Variants in GRK1 observed in about 807,000 individuals in gnomAD.
GRK1 encodes the protein G protein-coupled receptor kinase 1.
In GRK1, 28 loss-of-function variants were observed where a neutral mutation model predicts 41.7. That is an observed-to-expected ratio of 0.67 (90% CI 0.50 to 0.92). The LOEUF is 0.92. GRK1 is among the 40% of genes least tolerant of loss of function. The pLI, the probability that GRK1 is intolerant of heterozygous loss-of-function variation, is 0.00. For missense variants in GRK1, 703 were observed against 671.2 expected (o/e 1.05, Z -0.52); for synonymous variants, 327 against 286.7 (o/e 1.14, Z -1.42).
chr13:113,672,487 TGTG>T (rs1438041511), intron 3 of GRK1, among the ~76,000 whole-genome samples: 7 of 147,728 alleles, frequency 4.7e-5, no homozygotes, highest in Admixed American at 6.8e-5. Flanking sequence ...ATCTGTATGG[TGTG>T]GTACATGGTA....
At chr13:113,730,861 AATG>A (rs1229395147) in intron 4 of GRK1, among the ~76,000 whole-genome samples, 2 of 152,192 alleles carry the variant, frequency 1.3e-5, no homozygotes, top group Non-Finnish European at 2.9e-5. Context: ...TTCAAAAGAG[AATG>A]ATGTTGGATT....
Position 113,727,981 on chromosome 13 carries a change from GGAGTACCCATGGCGAT to G in GRK1, c.1070-3218_1070-3203del, listed in dbSNP as rs1335346347. On this transcript the variant is annotated intron_variant, in intron 4 of 6. Transcript: ENST00000335678. ...TGGTGATGAGGACCCATGGCGATGAGGAGTACCCATGGCGATGAGTACCCATGGCGATGAGGAGTAC... is the reference window on the plus strand; with the variant it reads ...TGGTGATGAGGACCCATGGCGATGAGGAGTACCCATGGCGATGAGGAGTAC... 1.7e-3 allele frequency among the ~76,000 whole-genome samples: 155 copies of G among 89,538 alleles called. 12 individuals are homozygous for G. Among genetic ancestry groups the G allele is most frequent in the African/African-American group, 2.3e-3 (39 of 16,972 alleles). The allele number at this position is 89,538 out of a possible 152,430, so 58.7% of individuals were successfully genotyped here.
chr13:113,732,928 G>A lies in GRK1; in HGVS notation c.1239G>A (p.Val413=), dbSNP rs1169443503. 6.5e-7 allele frequency: 1 copy of A among 1,536,810 alleles called. No individual in the cohort carries two copies. The highest frequency in any genetic ancestry group is 8.7e-7 in the Non-Finnish European group (1 of 1,146,910). ...ELKHRIISEP[V]KYPDKFSQAS... is the part of the protein sequence containing the mutation. ...AGCACCGGATCATCTCAGAGCCCGTGAAGTACCCTGATAAGTTCAGCCAGG... is the reference window on the plus strand; with the variant it reads ...AGCACCGGATCATCTCAGAGCCCGTAAAGTACCCTGATAAGTTCAGCCAGG... Residue 413 remains valine (V), a synonymous_variant, in exon 6 of 7, where the codon GTG becomes GTA. Coordinates refer to ENST00000335678, the MANE Select transcript of GRK1 (RefSeq NM_002929.3).
chr13:113,727,686 C>T (rs1264881682), intron 4 of GRK1, among the ~76,000 whole-genome samples: 39 of 122,676 alleles, frequency 3.2e-4, no homozygotes, highest in African/African-American at 5.7e-4. Context: ...GTACCCATGG[C>T]GATGAGGACC....
At chr13:113,652,915 G>A in the GRK1 span, 1 of 1,614,220 alleles carries the variant, frequency 6.2e-7, no homozygotes, top group South Asian at 1.1e-5. Context: ...CTTCTTCAAA[G>A]CCGAAGTTGG....
chr13:113,658,432 C>A, the GRK1 span, among the ~76,000 whole-genome samples: 1 of 152,234 alleles, frequency 6.6e-6, no homozygotes, highest in Non-Finnish European at 1.5e-5. Flanking sequence ...GCTCTGATTG[C>A]GGTGAGGGCA....
chr13:113,730,696 A>G (rs1029183972), intron 4 of GRK1, among the ~76,000 whole-genome samples: 1 of 152,242 alleles, frequency 6.6e-6, no homozygotes, highest in African/African-American at 2.4e-5. Context: ...ACACAGCCAT[A>G]GCACTCCTGG....
chr13:113,652,063 G>C, the GRK1 span, among the ~76,000 whole-genome samples: 2 of 152,254 alleles, frequency 1.3e-5, no homozygotes, highest in South Asian at 2.1e-4. Context: ...GACAGAGCAC[G>C]GGCCGGCCTG....
intron 4 of GRK1, among the ~76,000 whole-genome samples, chr13:113,727,920 GCGA>G (rs2049901815): frequency 1.1e-5 from 1 of 91,168 alleles, no homozygotes; most frequent in African/African-American, 4.4e-5. Flanking sequence ...AGTACCCATG[GCGA>G]TGAGGAGTAC....
chr13:113,650,668 G>A, the GRK1 span, among the ~76,000 whole-genome samples: 4 of 152,188 alleles, frequency 2.6e-5, no homozygotes, highest in African/African-American at 9.7e-5. This position sits in a 1 kb window ranked among gnomAD's most constrained non-coding sequence, Gnocchi z 5.0. Flanking sequence ...TTTCTAATCA[G>A]TGCTGAGATC....
chr13:113,735,192 G>T lies in GRK1; in HGVS notation c.1521G>T (p.Gln507His). 2.0e-6 allele frequency: 3 copies of T among 1,537,216 alleles called. No homozygotes were observed. The highest frequency in any genetic ancestry group is 1.7e-6 in the Non-Finnish European group (2 of 1,146,908). The stretch of plus-strand genomic sequence containing the variant: ...ACAAAACAGACACAGAATTCTTTCA[G>T]GAATTTGCCACTGGCAACTGCCCCA... ...AFDKTDTEFFQEFATGNCPIP... is the reference protein window; with the variant it reads ...AFDKTDTEFFHEFATGNCPIP... The change falls in exon 7 of 7, where the codon CAG (glutamine) becomes CAT (histidine). Residue 507 changes from glutamine to histidine, a missense_variant. Coordinates refer to ENST00000335678, the MANE Select transcript of GRK1 (RefSeq NM_002929.3).
chr13:113,658,012 C>T, the GRK1 span: 8 of 1,570,922 alleles, frequency 5.1e-6, no homozygotes, highest in Middle Eastern at 1.8e-4. Context: ...TGCACCCAGC[C>T]GGCCCGCCCC....
At chr13:113,734,946 T>G in intron 6 of GRK1, 122 bp from the exon 7 acceptor site, 1 of 1,014,370 alleles carries the variant, frequency 9.9e-7, no homozygotes, top group East Asian at 2.7e-5. Flanking sequence ...GACACTTCCC[T>G]AAGGAAGAGC....
chr13:113,651,735 G>A, the GRK1 span: 2 of 1,613,492 alleles, frequency 1.2e-6, no homozygotes, highest in East Asian at 2.2e-5. Context: ...GATCTAGAAG[G>A]GAAAAGCTTG....
At chr13:113,653,270 AC>A in the GRK1 span, 1 of 1,566,500 alleles carries the variant, frequency 6.4e-7, no homozygotes, top group Non-Finnish European at 8.8e-7. Context: ...CCGCCGCTTC[AC>A]ACCTCACCCA....
intron 6 of GRK1, 140 bp downstream of exon 6, chr13:113,733,225 GC>G (rs1731145615): frequency 9.1e-6 from 7 of 765,232 alleles, no homozygotes; most frequent in African/African-American, 1.7e-5. Context: ...CCCCAGCAAG[GC>G]CCCCAGTCCT....
the GRK1 span, chr13:113,655,087 G>A: frequency 7.4e-5 from 85 of 1,156,318 alleles, no homozygotes; most frequent in African/African-American, 3.2e-4. Context: ...CAGAAACCCC[G>A]TCCCCACAAA....
rs527669285 is a variant in GRK1 at position 113,732,935 on chromosome 13, C to G, written c.1246C>G (p.Pro416Ala). The G allele has an allele frequency of 4.6e-6, 7 of 1,536,980 alleles. No homozygotes were observed. The African/African-American group carries it at 5.5e-5, about 12-fold the overall frequency. Residue 416 changes from proline (P) to alanine (A), a missense_variant, in exon 6 of 7, where the codon CCT becomes GCT. Transcript: ENST00000335678. ...HRIISEPVKY[P>A]DKFSQASKDF... Reference sequence around the variant, plus strand: ...GATCATCTCAGAGCCCGTGAAGTACCCTGATAAGTTCAGCCAGGCCAGCAA... The same window carrying G: ...GATCATCTCAGAGCCCGTGAAGTACGCTGATAAGTTCAGCCAGGCCAGCAA...
At chr13:113,725,081 C>G (rs1335926504) in intron 4 of GRK1, among the ~76,000 whole-genome samples, 3 of 152,274 alleles carry the variant, frequency 2.0e-5, no homozygotes, top group Non-Finnish European at 4.4e-5. Flanking sequence ...GCACAGTGAC[C>G]TGGAGATGCT....
Sources: gnomAD v4.1 joint callset for allele counts (sites outside exome capture counted in the v4.1 genomes callset) on GRCh38, gnomAD v4.1.1 for gene constraint, Gnocchi (gnomAD v3.1) non-coding constraint, MANE v1.5 for transcripts, NCBI Gene and HGNC (gene_info 2026-07-23, HGNC 2026-07-21) for gene names.